The following LRRTM4 variants were observed in gnomAD, a reference collection of about 807,000 sequenced individuals.
The protein encoded by LRRTM4 is leucine-rich repeat transmembrane neuronal protein 4.
In LRRTM4, 25 loss-of-function variants were observed where a neutral mutation model predicts 47.6. That is an observed-to-expected ratio of 0.53 (90% CI 0.38 to 0.73). LRRTM4 has a LOEUF of 0.73. Ranked by LOEUF, LRRTM4 falls within the 30% of genes least tolerant of loss-of-function variation. LRRTM4 has a pLI of 0.00. For missense variants in LRRTM4, 638 were observed against 713.4 expected, an observed-to-expected ratio of 0.89 and a Z score of 1.20; for synonymous variants, 311 against 269.5, an observed-to-expected ratio of 1.15 and a Z score of -1.51.
chr2:76,878,176 G>A (rs374163216), intron 3 of LRRTM4, among the ~76,000 whole-genome samples: 5 of 152,026 alleles, frequency 3.3e-5, no homozygotes, highest in African/African-American at 4.8e-5. Context: ...TGTTACTGTC[G>A]TAATTGTTTT....
chr2:77,067,685 G>GTA (rs1330510879), intron 3 of LRRTM4, among the ~76,000 whole-genome samples: 11 of 78,494 alleles, frequency 1.4e-4, no homozygotes, highest in African/African-American at 4.3e-4. Context: ...TCAAAGATAC[G>GTA]TACACACACA....
chr2:77,010,778 A>T (rs1163791411), intron 3 of LRRTM4, among the ~76,000 whole-genome samples: 2 of 152,194 alleles, frequency 1.3e-5, no homozygotes. Flanking sequence ...TTGTTAAATG[A>T]ATAAATAAAT....
chr2:77,350,107 G>A (rs1005742037), intron 3 of LRRTM4, among the ~76,000 whole-genome samples: 4 of 151,006 alleles, frequency 2.6e-5, no homozygotes, highest in African/African-American at 9.7e-5. Context: ...TGGATCATGA[G>A]GTCAGGAGAT....
At chr2:77,055,890 G>A (rs1679587866) in intron 3 of LRRTM4, among the ~76,000 whole-genome samples, 2 of 151,692 alleles carry the variant, frequency 1.3e-5, no homozygotes, top group South Asian at 4.2e-4. Context: ...GTCCTTTGTA[G>A]GGACATGGAT....
In LRRTM4 at chr2:77,229,721, A is replaced by G. The variant is rs927110903; in HGVS notation, c.1551+288597T>C. On this transcript the variant is annotated intron_variant, in intron 3 of 3. Coordinates refer to ENST00000409884, the MANE Select transcript of LRRTM4 (RefSeq NM_001134745.3). ...TCTCCTGCCAGACTTAGCAATAGTAATGTCTCTTCCTGGAATATCTCAAGT... is the reference window on the plus strand; with the variant it reads ...TCTCCTGCCAGACTTAGCAATAGTAGTGTCTCTTCCTGGAATATCTCAAGT... 2.0e-5 allele frequency among the ~76,000 whole-genome samples: 3 copies of G among 152,244 alleles called. No individual in the cohort carries two copies. In the Middle Eastern group the frequency reaches 0.01, roughly 518 times the overall value.
chr2:77,200,384 A>G (rs1276757920), intron 3 of LRRTM4, among the ~76,000 whole-genome samples: 1 of 152,130 alleles, frequency 6.6e-6, no homozygotes, highest in African/African-American at 2.4e-5. Flanking sequence ...ACATTTAAAT[A>G]CATTTATATA....
chr2:77,520,074 C>T (rs1405392906), intron 2 of LRRTM4, among the ~76,000 whole-genome samples: 1 of 152,118 alleles, frequency 6.6e-6, no homozygotes, highest in Non-Finnish European at 1.5e-5. Flanking sequence ...CAAATCACCA[C>T]AGTCCCATAG....
Position 77,492,789 on chromosome 2 carries a change from C to T in LRRTM4, c.1551+25529G>A, listed in dbSNP as rs1414778742. 3.3e-5 allele frequency among the ~76,000 whole-genome samples: 5 copies of T among 152,050 alleles called. No individual in the cohort carries two copies. The South Asian group carries it at 8.3e-4, about 25-fold the overall frequency. ...AGAGATCAATAAGCAAAAGGCAAGA[C>T]AAACATTATACAATGTGAATATTAT... On this transcript the variant is annotated intron_variant, in intron 3 of 3. Coordinates refer to ENST00000409884, the MANE Select transcript of LRRTM4 (RefSeq NM_001134745.3).
At chr2:77,384,159 A>G (rs1673167772) in intron 3 of LRRTM4, among the ~76,000 whole-genome samples, 1 of 152,048 alleles carries the variant, frequency 6.6e-6, no homozygotes, top group African/African-American at 2.4e-5. Flanking sequence ...TCTATGATAG[A>G]GCCAGAAATA....
chr2:77,051,998 T>C (rs1679448495), intron 3 of LRRTM4, among the ~76,000 whole-genome samples: 1 of 148,622 alleles, frequency 6.7e-6, no homozygotes, highest in Non-Finnish European at 1.5e-5. Flanking sequence ...TATGTGTACT[T>C]TTAAAAATTT....
intron 3 of LRRTM4, among the ~76,000 whole-genome samples, chr2:76,997,023 C>T (rs1454227437): frequency 2.6e-5 from 4 of 152,196 alleles, no homozygotes; most frequent in South Asian, 4.1e-4. Context: ...AGCTAAAGGA[C>T]AGGGTGTTGT....
chr2:76,860,764 A>G (rs941510892), intron 3 of LRRTM4, among the ~76,000 whole-genome samples: 1 of 152,190 alleles, frequency 6.6e-6, no homozygotes, highest in Non-Finnish European at 1.5e-5. Context: ...AACTCCAGAA[A>G]TATAAATACA....
intron 3 of LRRTM4, among the ~76,000 whole-genome samples, chr2:77,336,233 GAAGGAAGGAAGA>G (rs1671163163): frequency 6.7e-6 from 1 of 148,470 alleles, no homozygotes; most frequent in Non-Finnish European, 1.5e-5. Context: ...GGAAAGAAAG[GAAGGAAGGAAGA>G]AAGGAAAGAA....
chr2:77,297,501 A>C (rs1416030501), intron 3 of LRRTM4, among the ~76,000 whole-genome samples: 1 of 152,166 alleles, frequency 6.6e-6, no homozygotes, highest in Admixed American at 6.5e-5. Context: ...AGACTTTAGA[A>C]GTTTGATCTT....
At chr2:76,873,522 A>G (rs933967620) in intron 3 of LRRTM4, among the ~76,000 whole-genome samples, 3 of 145,158 alleles carry the variant, frequency 2.1e-5, no homozygotes, top group East Asian at 2.0e-4. Context: ...ATATATATAT[A>G]TATATATATA....
At chr2:77,304,295 A>G (rs557990290) in intron 3 of LRRTM4, among the ~76,000 whole-genome samples, 1 of 143,722 alleles carries the variant, frequency 7.0e-6, no homozygotes, top group African/African-American at 3.0e-5. Flanking sequence ...AAATCAGGTT[A>G]TTTGACTTCT....
At chr2:76,871,347 G>A (rs1288089239) in intron 3 of LRRTM4, among the ~76,000 whole-genome samples, 1 of 152,084 alleles carries the variant, frequency 6.6e-6, no homozygotes, top group Non-Finnish European at 1.5e-5. Flanking sequence ...ATGGAGTTGA[G>A]GATTTGACCA....
At chr2:77,342,193 G>T (rs930133972) in intron 3 of LRRTM4, among the ~76,000 whole-genome samples, 1 of 151,916 alleles carries the variant, frequency 6.6e-6, no homozygotes, top group Admixed American at 6.6e-5. Context: ...GGAGCATCAT[G>T]AATGATTGAT....
chr2:76,865,974 T>G (rs546030850), intron 3 of LRRTM4, among the ~76,000 whole-genome samples: 1 of 152,180 alleles, frequency 6.6e-6, no homozygotes, highest in Admixed American at 6.5e-5. Flanking sequence ...AGAAAACACA[T>G]GTTACTATCA....
Sources: gnomAD v4.1 joint callset for allele counts (sites outside exome capture counted in the v4.1 genomes callset) on GRCh38, gnomAD v4.1.1 for gene constraint, MANE v1.5 for transcripts, NCBI Gene and HGNC (gene_info 2026-07-23, HGNC 2026-07-21) for gene names.